The following SCAPER variants were observed in gnomAD, a reference collection of about 807,000 sequenced individuals.
The protein encoded by SCAPER is S-phase cyclin A associated protein in the ER, also known as S phase cyclin A-associated protein in the endoplasmic reticulum.
SCAPER carries 98 observed loss-of-function variants against 182.2 expected under a neutral mutation model. That is an observed-to-expected ratio of 0.54 (90% confidence interval 0.46 to 0.64). SCAPER has a LOEUF of 0.64. Ranked by LOEUF, SCAPER falls within the 30% of genes least tolerant of loss-of-function variation. SCAPER has a pLI of 0.00. For missense variants in SCAPER, 1,432 were observed against 1,690.0 expected (o/e 0.85, Z 2.68); for synonymous variants, 605 against 564.6 (o/e 1.07, Z -1.01).
chr15:76,584,427 T>TATAGTTAGATAGAATGAA (rs2048483338), intron 22 of SCAPER, among the ~76,000 whole-genome samples: 1 of 152,182 alleles, frequency 6.6e-6, no homozygotes, highest in African/African-American at 2.4e-5. Flanking sequence ...GTTTGTGACA[T>TATAGTTAGATAGAATGAA]TAAGAGAGGA....
At chr15:76,725,006 C>G (rs2060495492) in intron 17 of SCAPER, among the ~76,000 whole-genome samples, 1 of 151,968 alleles carries the variant, frequency 6.6e-6, no homozygotes, top group Non-Finnish European at 1.5e-5. Context: ...AGAAATCACC[C>G]ATCTTCTGCG....
intron 15 of SCAPER, among the ~76,000 whole-genome samples, chr15:76,741,082 T>C (rs1313759836): frequency 3.3e-5 from 5 of 152,166 alleles, no homozygotes; most frequent in Admixed American, 2.0e-4. Context: ...AACTCAAGAA[T>C]TTCCTCAATT....
At chr15:76,479,744 T>G (rs923195526) in intron 24 of SCAPER, among the ~76,000 whole-genome samples, 5 of 152,160 alleles carry the variant, frequency 3.3e-5, no homozygotes, top group African/African-American at 1.2e-4. Flanking sequence ...TAGTTTATAT[T>G]CTTGTGCAGT....
At chr15:76,508,690 T>C (rs763644646) in intron 23 of SCAPER, among the ~76,000 whole-genome samples, 19 of 152,160 alleles carry the variant, frequency 1.2e-4, no homozygotes, top group Non-Finnish European at 2.5e-4. Context: ...GTTTGTGATT[T>C]TAAAAATTTA....
At chr15:76,807,513 TA>T (rs1319948771) in intron 5 of SCAPER, among the ~76,000 whole-genome samples, 10 of 152,172 alleles carry the variant, frequency 6.6e-5, no homozygotes, top group South Asian at 2.1e-4. Flanking sequence ...TAACATTATT[TA>T]TTTTTTTTAT....
intron 20 of SCAPER, among the ~76,000 whole-genome samples, chr15:76,686,432 A>G (rs541410463): frequency 4.7e-4 from 71 of 152,256 alleles, no homozygotes; most frequent in African/African-American, 1.5e-3. Context: ...GAGAATGTAA[A>G]TCTATAACTC....
At chr15:76,356,481 T>A (rs1364416299) in intron 29 of SCAPER, among the ~76,000 whole-genome samples, 4 of 152,168 alleles carry the variant, frequency 2.6e-5, no homozygotes, top group Non-Finnish European at 4.4e-5. Flanking sequence ...CTGCTTGAGC[T>A]TTCCAAAGTC....
At chr15:76,657,677 T>C (rs1489604496) in intron 21 of SCAPER, among the ~76,000 whole-genome samples, 2 of 151,030 alleles carry the variant, frequency 1.3e-5, no homozygotes, top group East Asian at 1.9e-4. Flanking sequence ...AAGAAAATGC[T>C]AGCAAACTAA....
At chr15:76,793,513 G>T in intron 8 of SCAPER, 1 of 419,246 alleles carries the variant, frequency 2.4e-6, no homozygotes, top group Non-Finnish European at 4.2e-6. Context: ...AATCAATCAT[G>T]CCTAGATAAT....
At chr15:76,544,998 T>G (rs1163597527) in intron 23 of SCAPER, among the ~76,000 whole-genome samples, 1 of 152,150 alleles carries the variant, frequency 6.6e-6, no homozygotes, top group African/African-American at 2.4e-5. Flanking sequence ...TTGGCTACCC[T>G]GAAATACAAC....
At chr15:76,612,649 C>A (rs1291565840) in intron 22 of SCAPER, among the ~76,000 whole-genome samples, 2 of 152,138 alleles carry the variant, frequency 1.3e-5, no homozygotes, top group Non-Finnish European at 2.9e-5. Context: ...AGTGCCAAAT[C>A]AGGAACTAAC....
At chr15:76,830,117 G>C (rs2068330581) in intron 5 of SCAPER, among the ~76,000 whole-genome samples, 2 of 152,078 alleles carry the variant, frequency 1.3e-5, no homozygotes, top group South Asian at 4.1e-4. Flanking sequence ...GGAGGGAAGA[G>C]TGTTCTGGGC....
intron 21 of SCAPER, among the ~76,000 whole-genome samples, chr15:76,651,173 GAACA>G (rs1301865778): frequency 6.6e-6 from 1 of 151,500 alleles, no homozygotes; most frequent in Non-Finnish European, 1.5e-5. Flanking sequence ...AAATAAAAAC[GAACA>G]AACAAAAATC....
chr15:76,505,102 T>A, intron 23 of SCAPER, 128 bp from the exon 24 acceptor site: 1 of 703,582 alleles, frequency 1.4e-6, no homozygotes, highest in East Asian at 2.8e-5. Context: ...AAATATTTGC[T>A]GAATGCTACT....
At chr15:76,515,279 G>A (rs1324024748) in intron 23 of SCAPER, among the ~76,000 whole-genome samples, 1 of 152,192 alleles carries the variant, frequency 6.6e-6, no homozygotes, top group African/African-American at 2.4e-5. Flanking sequence ...AGCAGAGTGA[G>A]TGAGAGAGGG....
At chr15:76,547,232 A>C (rs533533313) in intron 23 of SCAPER, among the ~76,000 whole-genome samples, 1 of 152,290 alleles carries the variant, frequency 6.6e-6, no homozygotes, top group South Asian at 2.1e-4. Context: ...TTTTTGCCAA[A>C]GAAGTGGGAC....
intron 8 of SCAPER, among the ~76,000 whole-genome samples, chr15:76,786,530 A>G (rs540316261): frequency 1.3e-5 from 2 of 152,260 alleles, no homozygotes; most frequent in African/African-American, 4.8e-5. Flanking sequence ...ACCTACAGCT[A>G]ACATAATACT....
chr15:76,604,595 G>T (rs1274721396), intron 22 of SCAPER, among the ~76,000 whole-genome samples: 1 of 63,122 alleles, frequency 1.6e-5, no homozygotes, highest in Non-Finnish European at 5.7e-5. Context: ...GGATGGCATT[G>T]AATCTATAAA....
intron 14 of SCAPER, among the ~76,000 whole-genome samples, chr15:76,759,332 G>C (rs1012145827): frequency 4.6e-5 from 7 of 152,090 alleles, no homozygotes; most frequent in African/African-American, 1.4e-4. Context: ...ATATCAAGGT[G>C]GTGGCATCTG....
Sources: gnomAD v4.1 joint callset for allele counts (sites outside exome capture counted in the v4.1 genomes callset) on GRCh38, gnomAD v4.1.1 for gene constraint, MANE v1.5 for transcripts, NCBI Gene and HGNC (gene_info 2026-07-23, HGNC 2026-07-21) for gene names.